The following MTA1 variants were observed in gnomAD, a reference collection of about 807,000 sequenced individuals.
MTA1 encodes metastasis associated 1.
Under a neutral mutation model 97.0 loss-of-function variants are expected in MTA1, and 15 were observed. That is an observed-to-expected ratio of 0.15 (90% confidence interval 0.10 to 0.24). The LOEUF is 0.24. Among genes scored for constraint, MTA1 ranks in the 10% least tolerant of loss-of-function variants. MTA1 has a pLI of 1.00. For missense variants in MTA1, 709 were observed against 1,015.1 expected (o/e 0.70, Z 4.10); for synonymous variants, 435 against 417.5 (o/e 1.04, Z -0.51).
Position 105,421,018 on chromosome 14 carries a change from C to T in MTA1, c.28+955C>T, listed in dbSNP as rs587722857. Among the ~76,000 whole-genome samples the T allele has an allele frequency of 1.7e-4, 26 of 152,334 alleles. No individual in the cohort carries two copies. In the East Asian group the frequency reaches 5.0e-3, roughly 29 times the overall value. ...CTGGCTTGATCCCCATGCCCCTGAC[C>T]CCGAGTGCCCAGAACACTCTGTGTC... On this transcript the variant is annotated intron_variant, in intron 1 of 20. Transcript: ENST00000331320.
chr14:105,449,488 G>C (rs2082840694), intron 4 of MTA1, 79 bp downstream of exon 4: 1 of 1,502,564 alleles, frequency 6.7e-7, no homozygotes, highest in Non-Finnish European at 9.0e-7. Flanking sequence ...CTGAGGGACA[G>C]AGTTTGGGCG....
At chr14:105,466,182 C>T (rs2083574270) in intron 16 of MTA1, 4 of 565,876 alleles carry the variant, frequency 7.1e-6, no homozygotes, top group Non-Finnish European at 1.3e-5. Flanking sequence ...GGTGGTCTCC[C>T]TGCTCTCTGG....
chr14:105,463,604 T>C lies in MTA1; in HGVS notation c.1076+53T>C. 1 of 1,574,292 alleles carries C rather than the reference T, an allele frequency of 6.4e-7. No individual in the cohort carries two copies. Among genetic ancestry groups the C allele is most frequent in the Non-Finnish European group, 8.7e-7 (1 of 1,145,392 alleles). ...TCGTGGCCCCGGGGGCCAGGGAGGGTGGGCACAGGGTGCTGGGGCCAGGCG... is the reference window on the plus strand; with the variant it reads ...TCGTGGCCCCGGGGGCCAGGGAGGGCGGGCACAGGGTGCTGGGGCCAGGCG... On this transcript the variant is annotated intron_variant, in intron 12 of 20. Transcript: ENST00000331320. This position sits in a 1 kb window ranked among gnomAD's most constrained non-coding sequence, Gnocchi z 5.9.
intron 3 of MTA1, among the ~76,000 whole-genome samples, chr14:105,447,851 T>C (rs1441942210): frequency 1.3e-5 from 2 of 152,148 alleles, no homozygotes; most frequent in African/African-American, 4.8e-5. Context: ...TCTCCGTTTC[T>C]CCTGCTTCTC....
Position 105,465,182 on chromosome 14 carries a change from T to C in MTA1, c.1623T>C (p.Leu541=), listed in dbSNP as rs1555432415. The part of the protein sequence containing the change: ...RKPLEAVLRY[L]ETHPRPPKPD... ...CGCTGGAAGCCGTGCTTCGGTATCT[T>C]GGTGAGCAGCCAGGCGTGCTGGGGG... The change falls in exon 16 of 21, where the codon CTT becomes CTC. Residue 541 remains leucine, a splice_region_variant and synonymous_variant. Coordinates refer to ENST00000331320, the MANE Select transcript of MTA1 (RefSeq NM_004689.4). 1 of 1,516,426 alleles carries C rather than the reference T, an allele frequency of 6.6e-7. No individual in the cohort carries two copies. Among genetic ancestry groups the C allele is most frequent in the East Asian group, 2.5e-5 (1 of 39,918 alleles). The allele number at this position is 1,516,426 out of a possible 1,614,324, so 93.9% of individuals were successfully genotyped here. A position where few individuals can be genotyped will look rare whatever the true frequency, so the allele number is the denominator to read the frequency against.
chr14:105,420,089 G>T lies in MTA1; in HGVS notation c.28+26G>T. On this transcript the variant is annotated intron_variant, in intron 1 of 20. Transcript: ENST00000331320. The surrounding 1 kb of genome is among the most constrained non-coding windows in gnomAD (Gnocchi z 5.3). ...GTAAGGCCGCACCGCCTTTATGCCC[G>T]GCCCCGACCCGCCCGCAGCCCCCAC... 1 of 1,038,430 alleles carries T rather than the reference G, an allele frequency of 9.6e-7. No homozygotes were observed. The highest frequency in any genetic ancestry group is 3.5e-5 in the South Asian group (1 of 28,588). The allele number at this position is 1,038,430 out of a possible 1,614,324, so 64.3% of individuals were successfully genotyped here.
intron 6 of MTA1, 27 bp downstream of exon 6, chr14:105,450,351 C>G: frequency 1.3e-6 from 2 of 1,589,904 alleles, no homozygotes; most frequent in Non-Finnish European, 1.7e-6. Context: ...CCTGGTCTGC[C>G]GCAGCCAGTC....
chr14:105,467,956 T>C (rs2083665347), intron 18 of MTA1: 1 of 279,576 alleles, frequency 3.6e-6, no homozygotes, highest in South Asian at 3.4e-5. Context: ...GTCCCAGCCA[T>C]GCAGTGCTTG....
chr14:105,456,528 G>A (rs1454519579), intron 7 of MTA1, among the ~76,000 whole-genome samples: 3 of 152,250 alleles, frequency 2.0e-5, no homozygotes, highest in Non-Finnish European at 4.4e-5. Context: ...GCAAGGACCA[G>A]GGATCCCACC....
At chr14:105,462,997 A>C (rs34371741) in intron 10 of MTA1, among the ~76,000 whole-genome samples, 187 bp from the exon 11 acceptor site, 183 of 151,694 alleles carry the variant, frequency 1.2e-3, no homozygotes, top group Non-Finnish European at 2.2e-3. Context: ...TGGCGGGGGG[A>C]CCTGCTTCAT....
Position 105,463,590 on chromosome 14 carries a change from G to T in MTA1, c.1076+39G>T. ...CACAGCCGTCGTCCTCGTGGCCCCG[G>T]GGGCCAGGGAGGGTGGGCACAGGGT... On this transcript the variant is annotated intron_variant, in intron 12 of 20. Coordinates refer to ENST00000331320, the MANE Select transcript of MTA1 (RefSeq NM_004689.4). This position sits in a 1 kb window ranked among gnomAD's most constrained non-coding sequence, Gnocchi z 5.9. 1 of 1,604,458 alleles carries T rather than the reference G, an allele frequency of 6.2e-7. No individual in the cohort carries two copies. The highest frequency in any genetic ancestry group is 8.5e-7 in the Non-Finnish European group (1 of 1,172,518).
rs1330599389 is a variant in MTA1 at position 105,458,327 on chromosome 14, A to G, written c.608A>G (p.Asn203Ser). Residue 203 changes from asparagine (N) to serine (S), a missense_variant, in exon 8 of 21, where the codon AAC becomes AGC. Asn to Ser is a conservative substitution (Grantham distance 46). This residue lies in a region of MTA1 where 321 missense variants were observed against 593.5 expected (regional missense o/e 0.54). Coordinates refer to ENST00000331320, the MANE Select transcript of MTA1 (RefSeq NM_004689.4). ...RLETQVWEAH[N>S]PLTDKQIDQF... ...GAGACCCAGGTGTGGGAGGCGCACA[A>G]CCCACTCACAGACAAGCAGATCGAC... 3.7e-6 allele frequency: 6 copies of G among 1,612,638 alleles called. No individual in the cohort carries two copies. The highest frequency in any genetic ancestry group is 1.1e-5 in the South Asian group (1 of 91,074).
At chr14:105,430,310 A>G (rs371697444) in intron 1 of MTA1, among the ~76,000 whole-genome samples, 1 of 152,104 alleles carries the variant, frequency 6.6e-6, no homozygotes, top group African/African-American at 2.4e-5. Context: ...GTCTCAGGGA[A>G]TAGAGAGGCC....
intron 7 of MTA1, among the ~76,000 whole-genome samples, chr14:105,455,550 G>A (rs781807834): frequency 1.7e-4 from 26 of 152,306 alleles, no homozygotes; most frequent in Admixed American, 1.7e-3. Context: ...TGCTTGTCCT[G>A]TTTTGGTTTG....
chr14:105,460,554 G>A, intron 9 of MTA1, 97 bp downstream of exon 9: 1 of 1,312,326 alleles, frequency 7.6e-7, no homozygotes, highest in Non-Finnish European at 1.0e-6. Context: ...ACCTGCCCCA[G>A]GTATTCAGGA....
chr14:105,466,386 G>T, intron 16 of MTA1, 40 bp from the exon 17 acceptor site: 1 of 1,580,306 alleles, frequency 6.3e-7, no homozygotes, highest in Non-Finnish European at 8.6e-7. Flanking sequence ...CTCCCCTGCT[G>T]GGCAGAGGCA....
intron 18 of MTA1, chr14:105,467,132 CG>C (rs1567048529): frequency 2.6e-6 from 1 of 385,956 alleles, no homozygotes; most frequent in Non-Finnish European, 4.9e-6. Flanking sequence ...GGAGGGTGGT[CG>C]GGGGTGTCTG....
intron 1 of MTA1, among the ~76,000 whole-genome samples, chr14:105,427,574 A>T (rs899214916): frequency 1.3e-5 from 2 of 152,196 alleles, no homozygotes; most frequent in African/African-American, 2.4e-5. Context: ...TTGGTTGCTG[A>T]AAATGTTGTG....
At chr14:105,448,969 T>G (rs2141567657) in intron 3 of MTA1, 1 of 179,858 alleles carries the variant, frequency 5.6e-6, no homozygotes, top group Non-Finnish European at 1.2e-5. Flanking sequence ...TTTTGGGTGT[T>G]ATAAGAACCC....
Sources: allele counts gnomAD v4.1 joint callset (sites outside exome capture counted in the v4.1 genomes callset), GRCh38; gene constraint gnomAD v4.1.1; regional missense constraint gnomAD v4.1.1; non-coding constraint Gnocchi (gnomAD v3.1); transcripts MANE v1.5; gene names NCBI Gene and HGNC (gene_info 2026-07-23, HGNC 2026-07-21).